Variants in AHI1 observed in about 807,000 individuals in gnomAD.
AHI1 encodes the protein Abelson helper integration site 1, also known as jouberin.
AHI1 carries 123 observed loss-of-function variants against 149.3 expected under a neutral mutation model. That is an observed-to-expected ratio of 0.82 (90% CI 0.71 to 0.96). The LOEUF is 0.96. Ranked by LOEUF, AHI1 falls within the 40% of genes least tolerant of loss-of-function variation. The pLI is 0.00. For synonymous variants in AHI1, 475 were observed against 459.8 expected (o/e 1.03, Z -0.42); for missense variants, 1,439 against 1,422.7 (o/e 1.01, Z -0.18).
At chr6:135,450,434 C>T (rs944488558) in intron 11 of AHI1, among the ~76,000 whole-genome samples, 8 of 152,074 alleles carry the variant, frequency 5.3e-5, no homozygotes, top group Non-Finnish European at 1.2e-4. Context: ...CATCTTTTCC[C>T]CTACCCCTTT....
At chr6:135,441,689 TA>T (rs1480997216) in intron 14 of AHI1, among the ~76,000 whole-genome samples, 2 of 152,190 alleles carry the variant, frequency 1.3e-5, no homozygotes, top group East Asian at 3.8e-4. Context: ...CCAAAAGAAA[TA>T]AATTACTATT....
chr6:135,399,572 T>C (rs1219404039), intron 22 of AHI1, among the ~76,000 whole-genome samples: 1 of 152,142 alleles, frequency 6.6e-6, no homozygotes, highest in Non-Finnish European at 1.5e-5. Context: ...TCAGTGCTAT[T>C]TGTTAGATCC....
At chr6:135,358,221 T>C (rs777874614) in intron 23 of AHI1, 34 bp from the exon 24 acceptor site, 56 of 1,562,338 alleles carry the variant, frequency 3.6e-5, no homozygotes, top group South Asian at 6.8e-5. Flanking sequence ...TATTTGGTTA[T>C]TAAGCCTGTC....
intron 24 of AHI1, among the ~76,000 whole-genome samples, chr6:135,336,823 G>A (rs1425255243): frequency 6.6e-6 from 1 of 152,074 alleles, no homozygotes; most frequent in African/African-American, 2.4e-5. Context: ...AGGAATATAG[G>A]TATCTACCAT....
chr6:135,444,816 A>C lies in AHI1; in HGVS notation c.1780-2102T>G, dbSNP rs544614966. Among the ~76,000 whole-genome samples, 3 of 152,370 alleles carry C rather than the reference A, an allele frequency of 2.0e-5. No individual in the cohort carries two copies. The East Asian group carries it at 5.8e-4, about 29-fold the overall frequency. Reference sequence around the variant, plus strand: ...TTTAGCCTCTAGAAAATGCTAGTACATACTTGTAAGAGAATGAATCTGAAT... The same window carrying C: ...TTTAGCCTCTAGAAAATGCTAGTACCTACTTGTAAGAGAATGAATCTGAAT... On this transcript the variant is annotated intron_variant, in intron 13 of 28. Transcript: ENST00000265602.
chr6:135,359,094 C>T (rs1434231481), intron 23 of AHI1, among the ~76,000 whole-genome samples: 2 of 152,174 alleles, frequency 1.3e-5, no homozygotes, highest in African/African-American at 4.8e-5. Flanking sequence ...AAGCATATGA[C>T]TCATTTTTCT....
chr6:135,433,441 A>G (rs949660232), intron 15 of AHI1, among the ~76,000 whole-genome samples, 185 bp from the exon 16 acceptor site: 19 of 144,864 alleles, frequency 1.3e-4, no homozygotes, highest in Non-Finnish European at 7.6e-5. Context: ...GAATTTTCAC[A>G]TGTGACAAAG....
chr6:135,384,902 A>G (rs1477030220), intron 23 of AHI1, among the ~76,000 whole-genome samples: 1 of 152,060 alleles, frequency 6.6e-6, no homozygotes, highest in Admixed American at 6.6e-5. Context: ...CAGCCTGCCC[A>G]CCATGGTGAA....
Position 135,427,319 on chromosome 6 carries a change from G to T in AHI1, c.2624-12C>A. ...GGCTACTTGTTCTCCTAAATAAAAA[G>T]AGAGATTCAAAAATGTATATCAGAG... On this transcript the variant is annotated splice_polypyrimidine_tract_variant and intron_variant, in intron 19 of 28. Coordinates refer to ENST00000265602, the MANE Select transcript of AHI1 (RefSeq NM_001134831.2). The T allele has an allele frequency of 6.2e-7, 1 of 1,603,588 alleles. No individual in the cohort carries two copies. Among genetic ancestry groups the T allele is most frequent in the South Asian group, 1.1e-5 (1 of 89,722 alleles).
intron 21 of AHI1, 33 bp downstream of exon 21, chr6:135,411,314 GT>G: frequency 1.3e-6 from 2 of 1,548,590 alleles, no homozygotes; most frequent in Admixed American, 3.4e-5. Context: ...GATAGAAATA[GT>G]TTTAAAGTTT....
At chr6:135,297,590 T>C (rs1442758622) in intron 27 of AHI1, 3 of 449,136 alleles carry the variant, frequency 6.7e-6, no homozygotes, top group East Asian at 7.0e-5. Context: ...TGACCTGTAA[T>C]GCTTCTTTAA....
At chr6:135,490,040 G>A (rs1795037565) in intron 5 of AHI1, 1 of 613,574 alleles carries the variant, frequency 1.6e-6, no homozygotes, top group Non-Finnish European at 2.9e-6. Flanking sequence ...CATTAACTGT[G>A]GATGCCAATA....
intron 2 of AHI1, among the ~76,000 whole-genome samples, 155 bp downstream of exon 2, chr6:135,497,033 T>C (rs569570689): frequency 1.3e-5 from 2 of 152,358 alleles, no homozygotes; most frequent in South Asian, 4.1e-4. Context: ...GGGGAAAGCT[T>C]TATTTTCACA....
At chr6:135,446,633 G>A (rs992956005) in intron 13 of AHI1, among the ~76,000 whole-genome samples, 2 of 152,104 alleles carry the variant, frequency 1.3e-5, no homozygotes, top group Non-Finnish European at 2.9e-5. Flanking sequence ...AAGAGGAGGC[G>A]GGCTCCAAGT....
intron 5 of AHI1, among the ~76,000 whole-genome samples, chr6:135,480,067 CTTT>C (rs936018119): frequency 6.6e-6 from 1 of 152,188 alleles, no homozygotes; most frequent in African/African-American, 2.4e-5. Context: ...GACTAAATCT[CTTT>C]TTTTCATAAA....
At chr6:135,471,313 C>T (rs1791654012) in intron 5 of AHI1, among the ~76,000 whole-genome samples, 1 of 152,024 alleles carries the variant, frequency 6.6e-6, no homozygotes, top group East Asian at 1.9e-4. Context: ...TTCTTTAGTT[C>T]TGTTTTTTAA....
Position 135,285,761 on chromosome 6 carries a change from A to T in AHI1, c.3589-114T>A, listed in dbSNP as rs1016135486. 1.2e-5 allele frequency: 10 copies of T among 834,908 alleles called. No homozygotes were observed. In the Admixed American group the frequency reaches 1.6e-4, roughly 13 times the overall value. The allele number at this position is 834,908 out of a possible 1,614,324, so 51.7% of individuals were successfully genotyped here. ...ACAGGTAATAAAGGACATTGTGTAAAACACAAACACATACAAACACAACTA... is the reference window on the plus strand; with the variant it reads ...ACAGGTAATAAAGGACATTGTGTAATACACAAACACATACAAACACAACTA... On this transcript the variant is annotated intron_variant, in intron 28 of 28. Transcript: ENST00000265602.
At chr6:135,387,080 G>A (rs775018587) in intron 23 of AHI1, among the ~76,000 whole-genome samples, 1 of 151,902 alleles carries the variant, frequency 6.6e-6, no homozygotes, top group Non-Finnish European at 1.5e-5. Flanking sequence ...ACAGAGCTTC[G>A]TCATGTTGCC....
chr6:135,380,071 T>C (rs1430743452), intron 23 of AHI1, among the ~76,000 whole-genome samples: 1 of 148,964 alleles, frequency 6.7e-6, no homozygotes, highest in Non-Finnish European at 1.5e-5. Context: ...TGTCGTCATC[T>C]GAATTTTGCT....
Sources: allele counts gnomAD v4.1 joint callset (sites outside exome capture counted in the v4.1 genomes callset), GRCh38; gene constraint gnomAD v4.1.1; transcripts MANE v1.5; gene names NCBI Gene and HGNC (gene_info 2026-07-23, HGNC 2026-07-21).